Variants in ACVR1B observed in about 807,000 individuals in gnomAD.
ACVR1B encodes activin receptor type-1B.
ACVR1B carries 15 observed loss-of-function variants against 55.6 expected under a neutral mutation model. The observed-to-expected ratio is 0.27, with a 90% CI of 0.18 to 0.42. The LOEUF (loss-of-function observed/expected upper bound fraction) is 0.42, where lower values mean the gene tolerates loss of function less well. Among genes scored for constraint, ACVR1B ranks in the 10% least tolerant of loss-of-function variants. ACVR1B has a pLI of 1.00. For missense variants in ACVR1B, 359 were observed against 670.1 expected (o/e 0.54, Z 5.13); for synonymous variants, 247 against 254.6 (o/e 0.97, Z 0.28).
At chr12:51,984,281 A>G (rs1942037432) in intron 5 of ACVR1B, 115 bp downstream of exon 5, 2 of 1,236,058 alleles carry the variant, frequency 1.6e-6, no homozygotes, top group South Asian at 3.1e-5. Context: ...GACCTCAGGA[A>G]CTCTAGTTTA....
chr12:51,958,648 A>C (rs1941456983), intron 1 of ACVR1B, among the ~76,000 whole-genome samples: 1 of 151,910 alleles, frequency 6.6e-6, no homozygotes, highest in African/African-American at 2.4e-5. Context: ...ACTCCTCAAA[A>C]AAAAAAAAAA....
rs750700424 is a variant in ACVR1B at position 51,985,301 on chromosome 12, C to G, written c.1089C>G (p.Val363=). ...DLGLAVRHDA[V]TDTIDIAPNQ... ...GCCTGGCTGTCCGTCATGATGCAGTCACTGACACCATTGACATTGCCCCGA... is the reference window on the plus strand; with the variant it reads ...GCCTGGCTGTCCGTCATGATGCAGTGACTGACACCATTGACATTGCCCCGA... Residue 363 remains valine, a synonymous_variant, in exon 6 of 9, where the codon GTC becomes GTG. Transcript: ENST00000257963. The G allele has an allele frequency of 6.2e-7, 1 of 1,613,586 alleles. No homozygotes were observed. Among genetic ancestry groups the G allele is most frequent in the African/African-American group, 1.3e-5 (1 of 74,896 alleles).
intron 1 of ACVR1B, among the ~76,000 whole-genome samples, chr12:51,972,624 C>A (rs1166309559): frequency 6.6e-6 from 1 of 152,168 alleles, no homozygotes; most frequent in Non-Finnish European, 1.5e-5. Flanking sequence ...AAGGTTAATA[C>A]CTTGCTCAAG....
chr12:51,990,565 C>T (rs1383322334), intron 7 of ACVR1B, among the ~76,000 whole-genome samples: 3 of 152,036 alleles, frequency 2.0e-5, no homozygotes, highest in African/African-American at 7.2e-5. Context: ...ATCCTTCCAC[C>T]TCGGCCTCCC....
rs1361725328 is a variant in ACVR1B, at chr12:51,982,740, C to G, written c.812-1259C>G. On this transcript the variant is annotated intron_variant, in intron 4 of 8. Transcript: ENST00000257963. Reference sequence around the variant, plus strand: ...GAAGTTGTAATGGTCTCTGCTGCCCCCAAGCTGAGGAGCCTTAGACTCCAA... The same window carrying G: ...GAAGTTGTAATGGTCTCTGCTGCCCGCAAGCTGAGGAGCCTTAGACTCCAA... 2.0e-6 allele frequency: 3 copies of G among 1,534,072 alleles called. No homozygotes were observed. In the African/African-American group the frequency reaches 4.1e-5, roughly 21 times the overall value.
intron 3 of ACVR1B, among the ~76,000 whole-genome samples, chr12:51,977,108 G>T (rs1163240841): frequency 6.6e-6 from 1 of 152,148 alleles, no homozygotes; most frequent in Non-Finnish European, 1.5e-5. Flanking sequence ...CATAGCATCA[G>T]CACTATTTCC....
intron 1 of ACVR1B, among the ~76,000 whole-genome samples, chr12:51,974,122 A>T: frequency 6.6e-6 from 1 of 152,060 alleles, no homozygotes; most frequent in African/African-American, 2.4e-5. Context: ...TCCAGATAGT[A>T]TTTACTTAGT....
chr12:51,974,252 A>G (rs1382453095), intron 1 of ACVR1B, among the ~76,000 whole-genome samples: 2 of 152,204 alleles, frequency 1.3e-5, no homozygotes, highest in South Asian at 2.1e-4. Flanking sequence ...ACTCCTGCCC[A>G]TGCCAAGAGG....
At chr12:51,988,698 G>A (rs1391100431) in intron 7 of ACVR1B, among the ~76,000 whole-genome samples, 1 of 152,198 alleles carries the variant, frequency 6.6e-6, no homozygotes, top group Admixed American at 6.5e-5. Flanking sequence ...TCACAGAGAA[G>A]TTAGGAAATT....
At chr12:51,980,672 C>T (rs1352177703) in intron 3 of ACVR1B, among the ~76,000 whole-genome samples, 2 of 152,186 alleles carry the variant, frequency 1.3e-5, no homozygotes, top group Non-Finnish European at 1.5e-5. Context: ...TCTGGTCAAA[C>T]ATTTACATTC....
chr12:51,972,532 G>A (rs991617850), intron 1 of ACVR1B, among the ~76,000 whole-genome samples: 1 of 152,158 alleles, frequency 6.6e-6, no homozygotes, highest in African/African-American at 2.4e-5. Flanking sequence ...GTAAGTACAC[G>A]CTGTGAGGTT....
Position 51,994,191 on chromosome 12 carries a change from C to T in ACVR1B, c.*81C>T, listed in dbSNP as rs1942254402. On this transcript the variant is annotated 3_prime_UTR_variant, in exon 9 of 9. Transcript: ENST00000257963. This position sits in a 1 kb window ranked among gnomAD's most constrained non-coding sequence, Gnocchi z 4.2. ...CGTTGAGCGTACGATGGAGGCCTAC[C>T]TCTCGTTTCTGCCCAGCCCTCTGTG... The T allele has an allele frequency of 7.0e-6, 11 of 1,560,770 alleles. No homozygotes were observed. Among genetic ancestry groups the T allele is most frequent in the Non-Finnish European group, 9.5e-6 (11 of 1,156,550 alleles).
chr12:51,971,199 A>G (rs566308392), intron 1 of ACVR1B, among the ~76,000 whole-genome samples: 1 of 152,320 alleles, frequency 6.6e-6, no homozygotes, highest in East Asian at 1.9e-4. Context: ...GGAACTTGTC[A>G]GCCTTACTCA....
chr12:51,986,715 G>T, intron 6 of ACVR1B, 103 bp from the exon 7 acceptor site: 2 of 1,473,714 alleles, frequency 1.4e-6, no homozygotes, highest in Non-Finnish European at 1.8e-6. Context: ...ACTTTATCAG[G>T]GTGATACTCT....
At chr12:51,953,446 C>T (rs999938719) in intron 1 of ACVR1B, 12 of 985,338 alleles carry the variant, frequency 1.2e-5, no homozygotes, top group Non-Finnish European at 1.4e-5. Context: ...GGTATCTGTG[C>T]TGTGGGGTTT....
At chr12:51,976,066 G>A (rs563388275) in intron 2 of ACVR1B, among the ~76,000 whole-genome samples, 2 of 152,270 alleles carry the variant, frequency 1.3e-5, no homozygotes, top group South Asian at 2.1e-4. Flanking sequence ...GGCCTGAGGC[G>A]GGGATAGTAC....
intron 8 of ACVR1B, among the ~76,000 whole-genome samples, chr12:51,993,577 A>G (rs1219578362): frequency 6.6e-6 from 1 of 151,956 alleles, no homozygotes; most frequent in Non-Finnish European, 1.5e-5. Flanking sequence ...ATCCTGGCCA[A>G]CCAATATGGT....
intron 3 of ACVR1B, among the ~76,000 whole-genome samples, chr12:51,976,782 C>T (rs1303891510): frequency 6.6e-6 from 1 of 152,184 alleles, no homozygotes; most frequent in Non-Finnish European, 1.5e-5. Flanking sequence ...CCGTGGGATT[C>T]CCAAGGTCTA....
chr12:51,967,414 T>C (rs1259533744), intron 1 of ACVR1B, among the ~76,000 whole-genome samples: 2 of 148,718 alleles, frequency 1.3e-5, no homozygotes, highest in South Asian at 4.3e-4. Flanking sequence ...CAAAAATTAG[T>C]TGGGTGTGGT....
Sources: allele counts gnomAD v4.1 joint callset (sites outside exome capture counted in the v4.1 genomes callset), GRCh38; gene constraint gnomAD v4.1.1; non-coding constraint Gnocchi (gnomAD v3.1); transcripts MANE v1.5; gene names NCBI Gene and HGNC (gene_info 2026-07-23, HGNC 2026-07-21).